SLC39A11: variants seen among roughly 807,000 people sequenced by gnomAD.
SLC39A11 encodes solute carrier family 39 member 11.
SLC39A11 carries 33 observed loss-of-function variants against 36.1 expected under a neutral mutation model. The observed-to-expected ratio is 0.91, with a 90% CI of 0.69 to 1.22. The LOEUF (loss-of-function observed/expected upper bound fraction) is 1.22. Among genes scored for constraint, SLC39A11 ranks in the 50% most tolerant of loss-of-function variants. The pLI is 0.00. For synonymous variants in SLC39A11, 166 were observed against 170.3 expected (o/e 0.97, Z 0.20); for missense variants, 432 against 430.3 (o/e 1.00, Z -0.03).
chr17:72,961,647 C>A (rs1340827278), intron 4 of SLC39A11, among the ~76,000 whole-genome samples: 1 of 151,572 alleles, frequency 6.6e-6, no homozygotes, highest in Non-Finnish European at 1.5e-5. Flanking sequence ...GACAGAAAAC[C>A]AAACACCGCA....
At chr17:72,842,763 G>T (rs551943528) in intron 6 of SLC39A11, among the ~76,000 whole-genome samples, 26 of 152,316 alleles carry the variant, frequency 1.7e-4, no homozygotes, top group African/African-American at 6.0e-4. Flanking sequence ...ACCCAGGCAG[G>T]CGCCACGGAA....
At chr17:72,850,862 A>G (rs909343918) in intron 5 of SLC39A11, among the ~76,000 whole-genome samples, 1 of 152,168 alleles carries the variant, frequency 6.6e-6, no homozygotes, top group Non-Finnish European at 1.5e-5. Flanking sequence ...ATTACATAAT[A>G]TGTGACCCTG....
chr17:72,812,230 A>G (rs1306901007), intron 6 of SLC39A11, among the ~76,000 whole-genome samples: 1 of 152,198 alleles, frequency 6.6e-6, no homozygotes, highest in East Asian at 1.9e-4. Flanking sequence ...TTTCGGAGGG[A>G]AGACAAGCAT....
intron 6 of SLC39A11, among the ~76,000 whole-genome samples, chr17:72,761,934 A>T (rs2075595383): frequency 6.6e-6 from 1 of 152,240 alleles, no homozygotes; most frequent in Admixed American, 6.5e-5. Flanking sequence ...ATCAGGGACC[A>T]GAGCCCCATT....
rs553401853 is a variant in SLC39A11, at chr17:73,010,807, G to A, written c.306+20749C>T. Among the ~76,000 whole-genome samples the A allele has an allele frequency of 2.0e-4, 30 of 152,180 alleles. No individual in the cohort carries two copies. In the South Asian group the frequency reaches 5.2e-3, roughly 26 times the overall value. On this transcript the variant is annotated intron_variant, in intron 4 of 9. Transcript: ENST00000255559. ...AATTATCTGTGCTTCATGTTTGTAGGGCCAAAAAAGCGGTCAATTGCAACG... is the reference window on the plus strand; with the variant it reads ...AATTATCTGTGCTTCATGTTTGTAGAGCCAAAAAAGCGGTCAATTGCAACG...
At chr17:72,882,798 T>TTTTTTTTTCTTCTTTTTC (rs2081261859) in intron 5 of SLC39A11, among the ~76,000 whole-genome samples, 1 of 125,670 alleles carries the variant, frequency 8.0e-6, no homozygotes, top group Non-Finnish European at 1.6e-5. Context: ...AGAATGCTTC[T>TTTTTTTTTCTTCTTTTTC]TTTTTTTTTT....
chr17:72,722,666 G>A lies in SLC39A11; in HGVS notation c.671+13984C>T, dbSNP rs553665965. Among the ~76,000 whole-genome samples, 12 of 151,600 alleles carry A rather than the reference G, an allele frequency of 7.9e-5. No individual in the cohort carries two copies. The South Asian group carries it at 1.3e-3, about 16-fold the overall frequency. On this transcript the variant is annotated intron_variant, in intron 7 of 9. Transcript: ENST00000255559. ...TTTTTCTTTTTTGAGACAGAGTCTC[G>A]CTCTGTTGCCCAGGCTGGAGTACAA...
chr17:72,905,682 C>T (rs2082620583), intron 5 of SLC39A11, among the ~76,000 whole-genome samples: 1 of 152,180 alleles, frequency 6.6e-6, no homozygotes, highest in African/African-American at 2.4e-5. Flanking sequence ...GCCTTAACCT[C>T]GTGGGCTCTA....
At chr17:72,889,259 A>G (rs1371699435) in intron 5 of SLC39A11, among the ~76,000 whole-genome samples, 1 of 152,206 alleles carries the variant, frequency 6.6e-6, no homozygotes, top group Non-Finnish European at 1.5e-5. Context: ...TCACGCCTGT[A>G]ATCCCAGCAC....
chr17:72,691,180 G>A (rs945649588), intron 7 of SLC39A11, among the ~76,000 whole-genome samples: 12 of 152,178 alleles, frequency 7.9e-5, no homozygotes, highest in African/African-American at 2.7e-4. Flanking sequence ...ACAACCCCGA[G>A]GGTGATTCAG....
chr17:72,990,965 G>C (rs1296936342), intron 4 of SLC39A11, among the ~76,000 whole-genome samples: 1 of 152,112 alleles, frequency 6.6e-6, no homozygotes, highest in Non-Finnish European at 1.5e-5. Context: ...TTTACTTTGA[G>C]GTCATTTAGT....
At chr17:72,847,803 G>A (rs1325330043) in intron 6 of SLC39A11, among the ~76,000 whole-genome samples, 1 of 152,178 alleles carries the variant, frequency 6.6e-6, no homozygotes, top group African/African-American at 2.4e-5. Context: ...ACTAAAGCCA[G>A]AAGACAAGGG....
intron 7 of SLC39A11, among the ~76,000 whole-genome samples, chr17:72,731,192 G>A (rs1191122927): frequency 6.6e-6 from 1 of 152,194 alleles, no homozygotes; most frequent in African/African-American, 2.4e-5. Flanking sequence ...ACTCTAGAAT[G>A]GCAGTTACTT....
At chr17:72,855,962 G>T (rs1321132507) in intron 5 of SLC39A11, among the ~76,000 whole-genome samples, 3 of 150,908 alleles carry the variant, frequency 2.0e-5, no homozygotes, top group Non-Finnish European at 4.4e-5. Context: ...GTTTCCCAAA[G>T]AATCAGTCTA....
chr17:72,894,370 A>C (rs1158320758), intron 5 of SLC39A11, among the ~76,000 whole-genome samples: 10 of 148,202 alleles, frequency 6.7e-5, no homozygotes, highest in African/African-American at 2.2e-4. Flanking sequence ...CAAAAAAAAA[A>C]AAAAAAAAAA....
chr17:72,887,108 A>T (rs1341178334), intron 5 of SLC39A11, among the ~76,000 whole-genome samples: 1 of 152,214 alleles, frequency 6.6e-6, no homozygotes, highest in Non-Finnish European at 1.5e-5. Flanking sequence ...TGGACTATAA[A>T]GTCCTGTGAG....
chr17:73,031,643 G>A lies in SLC39A11; in HGVS notation c.219C>T (p.Phe73=), dbSNP rs79360131. ...AVEMATSSGG[F]GAFAFFPVAV... is the part of the protein sequence containing the mutation. Reference sequence around the variant, plus strand: ...CCACAGGGAAGAAGGCAAAGGCACCGAAGCCCCCAGAGGACGTGGCCATCT... The same window carrying A: ...CCACAGGGAAGAAGGCAAAGGCACCAAAGCCCCCAGAGGACGTGGCCATCT... Residue 73 remains phenylalanine (F), a synonymous_variant, in exon 4 of 10, where the codon TTC becomes TTT. Transcript: ENST00000255559. 1.5e-3 allele frequency: 2,390 copies of A among 1,614,142 alleles called. 63 individuals are homozygous for A. The East Asian group carries it at 0.049, about 33-fold the overall frequency.
At chr17:72,822,268 AATAT>A (rs906044878) in intron 6 of SLC39A11, among the ~76,000 whole-genome samples, 2 of 147,586 alleles carry the variant, frequency 1.4e-5, no homozygotes, top group African/African-American at 2.5e-5. Flanking sequence ...AGAGAGAGAG[AATAT>A]ATATAGAGAG....
chr17:72,909,721 A>G lies in SLC39A11; in HGVS notation c.430+38031T>C, dbSNP rs185568138. 9.3e-5 allele frequency among the ~76,000 whole-genome samples: 14 copies of G among 150,856 alleles called. No homozygotes were observed. In the East Asian group the frequency reaches 2.7e-3, roughly 29 times the overall value. The stretch of plus-strand genomic sequence containing the variant: ...GAGGCTTGCAGAGCCAGTTTGCTCA[A>G]CTGTCTTTCTTTCTTTTTTTTCTTT... On this transcript the variant is annotated intron_variant, in intron 5 of 9. Coordinates refer to ENST00000255559, the MANE Select transcript of SLC39A11 (RefSeq NM_139177.4).
Sources: gnomAD v4.1 joint callset for allele counts (sites outside exome capture counted in the v4.1 genomes callset) on GRCh38, gnomAD v4.1.1 for gene constraint, MANE v1.5 for transcripts, NCBI Gene and HGNC (gene_info 2026-07-23, HGNC 2026-07-21) for gene names.